CCDC13: variants seen among roughly 807,000 people sequenced by gnomAD.
CCDC13 encodes coiled-coil domain containing 13.
Under a neutral mutation model 87.3 loss-of-function variants are expected in CCDC13, and 70 were observed. That is an observed-to-expected ratio of 0.80 (90% CI 0.66 to 0.98). CCDC13 has a LOEUF of 0.98. Among genes scored for constraint, CCDC13 ranks in the 50% least tolerant of loss-of-function variants. The probability of loss-of-function intolerance (pLI) is 0.00; values close to 1 mark genes in which losing one functional copy is unlikely to be tolerated. For synonymous variants in CCDC13, 317 were observed against 360.3 expected, an observed-to-expected ratio of 0.88 and a Z score of 1.36; for missense variants, 842 against 892.0, an observed-to-expected ratio of 0.94 and a Z score of 0.71.
At chr3:42,709,289 T>C in intron 15 of CCDC13, 150 bp from the exon 16 acceptor site, 2 of 765,886 alleles carry the variant, frequency 2.6e-6, no homozygotes, top group South Asian at 3.9e-5. Context: ...CTGACTCTTG[T>C]GGGTACCATG....
chr3:42,726,253 G>C (rs1189287658), intron 13 of CCDC13, among the ~76,000 whole-genome samples: 1 of 152,126 alleles, frequency 6.6e-6, no homozygotes, highest in East Asian at 1.9e-4. Flanking sequence ...CGTTGGCCAG[G>C]GTGGTCTTGA....
intron 2 of CCDC13, 147 bp from the exon 3 acceptor site, chr3:42,757,361 G>T: frequency 1.3e-6 from 1 of 757,574 alleles, no homozygotes; most frequent in Non-Finnish European, 2.1e-6. Flanking sequence ...TCGTTCATTA[G>T]CTGGCTTAAA....
chr3:42,758,420 T>G, intron 1 of CCDC13, 69 bp from the exon 2 acceptor site: 6 of 1,468,136 alleles, frequency 4.1e-6, no homozygotes, highest in Non-Finnish European at 5.6e-6. Flanking sequence ...CAGTCCGCCC[T>G]GTCTGCAGCC....
chr3:42,740,040 C>CATGACAGCACTCACG (rs1699164339), intron 8 of CCDC13, among the ~76,000 whole-genome samples: 1 of 151,844 alleles, frequency 6.6e-6, no homozygotes, highest in Non-Finnish European at 1.5e-5. Context: ...CAGCACTAAC[C>CATGACAGCACTCACG]CATGACAGCA....
intron 5 of CCDC13, among the ~76,000 whole-genome samples, chr3:42,747,738 C>T (rs1288600796): frequency 6.6e-6 from 1 of 152,234 alleles, no homozygotes; most frequent in African/African-American, 2.4e-5. Context: ...AGGCTCCACG[C>T]CTCCCAGACA....
At chr3:42,772,960 G>A (rs1047757281) in intron 1 of CCDC13, among the ~76,000 whole-genome samples, 5 of 152,178 alleles carry the variant, frequency 3.3e-5, no homozygotes, top group African/African-American at 1.2e-4. Context: ...TGTACTGCAT[G>A]GAAAATAAGC....
intron 10 of CCDC13, among the ~76,000 whole-genome samples, chr3:42,734,168 C>T (rs1013548813): frequency 6.6e-6 from 1 of 152,138 alleles, no homozygotes; most frequent in African/African-American, 2.4e-5. Context: ...CATTAGAGGA[C>T]CCCCAGCAGG....
At chr3:42,733,732 G>A (rs1698906551) in intron 10 of CCDC13, 123 bp from the exon 11 acceptor site, 1 of 1,268,664 alleles carries the variant, frequency 7.9e-7, no homozygotes, top group Admixed American at 3.1e-5. Flanking sequence ...CTTTTCAGGA[G>A]TGAAAAGCGA....
Position 42,735,921 on chromosome 3 carries a change from G to C in CCDC13, c.1165-8C>G. 6.2e-7 allele frequency: 1 copy of C among 1,611,090 alleles called. No homozygotes were observed. The highest frequency in any genetic ancestry group is 8.5e-7 in the Non-Finnish European group (1 of 1,178,792). The stretch of plus-strand genomic sequence containing the variant: ...TAGCTGCTTCAGCTGGTCCTGGGGG[G>C]CCAGGCAGGAGGGCAGGTGGAGTCA... On this transcript the variant is annotated splice_polypyrimidine_tract_variant and splice_region_variant and intron_variant, in intron 9 of 15. Transcript: ENST00000310232.
At chr3:42,757,603 AG>A (rs1408765778) in intron 2 of CCDC13, among the ~76,000 whole-genome samples, 1 of 152,204 alleles carries the variant, frequency 6.6e-6, no homozygotes, top group Non-Finnish European at 1.5e-5. Flanking sequence ...GTGTAATCCC[AG>A]TGACTCTAGA....
chr3:42,744,566 CA>C (rs958305681), intron 7 of CCDC13, among the ~76,000 whole-genome samples: 2 of 151,642 alleles, frequency 1.3e-5, no homozygotes, highest in Non-Finnish European at 2.9e-5. Context: ...AGCACTTTGG[CA>C]AGCCGAGGTG....
At chr3:42,759,641 T>C (rs1699787735) in intron 1 of CCDC13, among the ~76,000 whole-genome samples, 3 of 152,238 alleles carry the variant, frequency 2.0e-5, no homozygotes, top group Admixed American at 1.3e-4. Flanking sequence ...TTCGTTTTTA[T>C]TACTGAGTAA....
intron 8 of CCDC13, among the ~76,000 whole-genome samples, chr3:42,741,947 C>T (rs1275371902): frequency 6.6e-6 from 1 of 152,202 alleles, no homozygotes; most frequent in Non-Finnish European, 1.5e-5. Flanking sequence ...TTGGTGCTCA[C>T]AGGCAAAAGT....
At position 42,758,178 on chromosome 3, in the gene CCDC13, G is replaced by A; in HGVS notation, c.168C>T (p.Gly56=). 6.2e-7 allele frequency: 1 copy of A among 1,614,046 alleles called. No homozygotes were observed. Among genetic ancestry groups the A allele is most frequent in the Non-Finnish European group, 8.5e-7 (1 of 1,180,026 alleles). ...GCTCCCCTGCGTGGAGAAGGCTGAGGCCATCTGAAACCTCCAAGGGCTCCT... is the reference window on the plus strand; with the variant it reads ...GCTCCCCTGCGTGGAGAAGGCTGAGACCATCTGAAACCTCCAAGGGCTCCT... ...DQEEPLEVSD[G]LSLLHAGEPN... The change falls in exon 2 of 16, where the codon GGC becomes GGT. Residue 56 remains glycine, a synonymous_variant. Transcript: ENST00000310232.
chr3:42,769,048 G>A (rs1361718127), intron 1 of CCDC13, among the ~76,000 whole-genome samples: 2 of 152,068 alleles, frequency 1.3e-5, no homozygotes, highest in Non-Finnish European at 2.9e-5. Flanking sequence ...TGAGGCAGGA[G>A]AATTGCTTGA....
chr3:42,771,630 C>T (rs1188133016), intron 1 of CCDC13, among the ~76,000 whole-genome samples: 1 of 152,144 alleles, frequency 6.6e-6, no homozygotes, highest in African/African-American at 2.4e-5. Flanking sequence ...TGGCATGTGC[C>T]TGTGTTCCCA....
At chr3:42,737,320 A>T (rs143254250) in intron 9 of CCDC13, among the ~76,000 whole-genome samples, 2,778 of 152,294 alleles carry the variant, frequency 0.018, 72 homozygotes, top group African/African-American at 0.063. Context: ...TTACTGATGG[A>T]CATTTGGGTT....
chr3:42,730,401 G>A (rs1176827549), intron 13 of CCDC13, 66 bp downstream of exon 13: 2 of 1,575,180 alleles, frequency 1.3e-6, no homozygotes, highest in Non-Finnish European at 1.7e-6. Flanking sequence ...AGTCATAAAT[G>A]AGGCCTGGCC....
At chr3:42,767,625 CCAACA>C (rs746213052) in intron 1 of CCDC13, among the ~76,000 whole-genome samples, 1 of 152,056 alleles carries the variant, frequency 6.6e-6, no homozygotes, top group East Asian at 1.9e-4. Flanking sequence ...TCCAGAATAT[CCAACA>C]CAATATTAAA....
Sources: allele counts gnomAD v4.1 joint callset (sites outside exome capture counted in the v4.1 genomes callset), GRCh38; gene constraint gnomAD v4.1.1; transcripts MANE v1.5; gene names NCBI Gene and HGNC (gene_info 2026-07-23, HGNC 2026-07-21).